TGM1: variants seen among roughly 807,000 people sequenced by gnomAD.
The protein encoded by TGM1 is transglutaminase 1.
TGM1 carries 63 observed loss-of-function variants against 88.7 expected under a neutral mutation model. The observed-to-expected ratio is 0.71, with a 90% CI of 0.58 to 0.88. The LOEUF (loss-of-function observed/expected upper bound fraction) is 0.88. Among genes scored for constraint, TGM1 ranks in the 40% least tolerant of loss-of-function variants. The pLI, the probability that TGM1 is intolerant of heterozygous loss-of-function variation, is 0.00. For synonymous variants in TGM1, 415 were observed against 431.1 expected, an observed-to-expected ratio of 0.96 and a Z score of 0.46; for missense variants, 996 against 1,118.0, an observed-to-expected ratio of 0.89 and a Z score of 1.56.
intron 9 of TGM1, 121 bp from the exon 10 acceptor site, chr14:24,256,198 G>A: frequency 1.2e-6 from 1 of 816,506 alleles, no homozygotes. Flanking sequence ...CCACTGCCTG[G>A]TGGCCTCTGG....
In TGM1 at chr14:24,254,789, A is replaced by C. The variant is rs1423312118; in HGVS notation, c.1963T>G (p.Tyr655Asp). ...RVTMPVAYKE[Y>D]RPHLVDQGAM... ...CCCTGGTCCACAAGATGGGGCCGGT[A>C]TTCCTTGTAGGCCACTGGCATGGTC... is the stretch of plus-strand genomic sequence containing the variant. Residue 655 changes from tyrosine to aspartate, a missense_variant, in exon 13 of 15, where the codon TAC becomes GAC. Physicochemically the swap from Tyr to Asp is radical, Grantham distance 160. Transcript: ENST00000206765. The C allele has an allele frequency of 2.5e-6, 4 of 1,613,966 alleles. No individual in the cohort carries two copies. In the South Asian group the frequency reaches 4.4e-5, roughly 18 times the overall value.
intron 14 of TGM1, among the ~76,000 whole-genome samples, chr14:24,252,134 A>G (rs1454070842): frequency 1.3e-5 from 2 of 152,172 alleles, no homozygotes; most frequent in Non-Finnish European, 2.9e-5. Context: ...ATGAGAGGCA[A>G]AGTACACCCA....
chr14:24,256,155 C>G, intron 9 of TGM1, 78 bp from the exon 10 acceptor site: 1 of 1,261,812 alleles, frequency 7.9e-7, no homozygotes, highest in South Asian at 1.3e-5. Context: ...AAGGTCCACA[C>G]AGGGCCCCAG....
chr14:24,259,979 G>T lies in TGM1; in HGVS notation c.837C>A (p.Thr279=), dbSNP rs370435399. Residue 279 remains threonine (T), a synonymous_variant, in exon 5 of 15, where the codon ACC becomes ACA. Transcript: ENST00000206765. This position sits in a 1 kb window ranked among gnomAD's most constrained non-coding sequence, Gnocchi z 5.7. ...AGGTCCGCTCACCAATCTGTGCTTCGGTCCCGTAGTAAATTCTCCCAGACT... is the reference window on the plus strand; with the variant it reads ...AGGTCCGCTCACCAATCTGTGCTTCTGTCCCGTAGTAAATTCTCCCAGACT... ...LNESGRIYYG[T]EAQIGERTWN... is the part of the protein sequence containing the mutation. 1 of 1,614,128 alleles carries T rather than the reference G, an allele frequency of 6.2e-7. No individual in the cohort carries two copies. The highest frequency in any genetic ancestry group is 1.7e-5 in the Admixed American group (1 of 60,028).
rs2040745585 is a variant in TGM1, at chr14:24,255,769, C to T, written c.1491+220G>A. On this transcript the variant is annotated intron_variant, in intron 10 of 14. Transcript: ENST00000206765. The surrounding 1 kb of genome is among the most constrained non-coding windows in gnomAD (Gnocchi z 4.0). ...ATCAGTAATCCCTCACACTCAATGG[C>T]TGACTTTACGACTAGTGAAGCAGTT... Among the ~76,000 whole-genome samples the T allele has an allele frequency of 6.6e-6, 1 of 152,212 alleles. No homozygotes were observed. Among genetic ancestry groups the T allele is most frequent in the African/African-American group, 2.4e-5 (1 of 41,440 alleles).
At chr14:24,250,910 T>G (rs1170478788) in intron 14 of TGM1, among the ~76,000 whole-genome samples, 3 of 152,222 alleles carry the variant, frequency 2.0e-5, no homozygotes, top group Admixed American at 2.0e-4. Context: ...ACCTGTGCAT[T>G]AACTATTGTC....
chr14:24,252,189 C>T (rs1445244580), intron 14 of TGM1, among the ~76,000 whole-genome samples: 1 of 152,178 alleles, frequency 6.6e-6, no homozygotes, highest in Non-Finnish European at 1.5e-5. Flanking sequence ...GAGATGTCCC[C>T]CTGGAGGCTC....
At position 24,260,623 on chromosome 14, in the gene TGM1, G is replaced by A; in HGVS notation, c.584C>T (p.Ala195Val). The A allele has an allele frequency of 6.2e-7, 1 of 1,614,204 alleles. No individual in the cohort carries two copies. Among genetic ancestry groups the A allele is most frequent in the Non-Finnish European group, 8.5e-7 (1 of 1,180,034 alleles). The change falls in exon 4 of 15, where the codon GCC (alanine) becomes GTC (valine). Residue 195 changes from alanine to valine, a missense_variant. Transcript: ENST00000206765. Reference protein sequence around the residue: ...VGKGGSGGWKAQVVKASGQNL... With the variant: ...VGKGGSGGWKVQVVKASGQNL... Reference sequence around the variant, plus strand: ...CTGCCCACTGGCCTTGACCACCTGGGCTTTCCAGCCTCCACTGCCCCCCTT... The same window carrying A: ...CTGCCCACTGGCCTTGACCACCTGGACTTTCCAGCCTCCACTGCCCCCCTT...
At chr14:24,256,297 C>T (rs1475955718) in intron 9 of TGM1, among the ~76,000 whole-genome samples, 1 of 152,228 alleles carries the variant, frequency 6.6e-6, no homozygotes, top group East Asian at 1.9e-4. Flanking sequence ...AGAGCGGCTC[C>T]ATTTGGCTCT....
rs2139019514 is a variant in TGM1 at position 24,255,128 on chromosome 14, C to T, written c.1771G>A (p.Gly591Arg). 1 of 1,614,122 alleles carries T rather than the reference C, an allele frequency of 6.2e-7. No homozygotes were observed. The highest frequency in any genetic ancestry group is 1.1e-5 in the South Asian group (1 of 91,092). ...ATCACAGAGACCATCAGATCCTGCCCCATCACCGCGTCCTGTGCCTCCACC... is the reference window on the plus strand; with the variant it reads ...ATCACAGAGACCATCAGATCCTGCCTCATCACCGCGTCCTGTGCCTCCACC... ...MQVEAQDAVM[G>R]QDLMVSVMLI... is the part of the protein sequence containing the mutation. Residue 591 changes from glycine to arginine, a missense_variant, in exon 12 of 15, where the codon GGG (glycine) becomes AGG (arginine). Transcript: ENST00000206765. The surrounding 1 kb of genome is among the most constrained non-coding windows in gnomAD (Gnocchi z 4.0).
chr14:24,261,611 G>C (rs2040808876), intron 3 of TGM1, 84 bp downstream of exon 3: 14 of 1,528,430 alleles, frequency 9.2e-6, no homozygotes, highest in Non-Finnish European at 1.3e-5. Flanking sequence ...GCAGGGAGGA[G>C]CCTAAAGACC....
At chr14:24,251,912 G>A (rs2040704226) in intron 14 of TGM1, among the ~76,000 whole-genome samples, 1 of 152,136 alleles carries the variant, frequency 6.6e-6, no homozygotes, top group African/African-American at 2.4e-5. Flanking sequence ...ACCACTCTGA[G>A]GACATTCTAG....
intron 1 of TGM1, among the ~76,000 whole-genome samples, 176 bp downstream of exon 1, chr14:24,262,913 T>C (rs2040826924): frequency 6.6e-6 from 1 of 152,244 alleles, no homozygotes; most frequent in African/African-American, 2.4e-5. Flanking sequence ...GGGTAGGGCA[T>C]GGCAGGTGCC....
rs7147300 is a variant in TGM1, at chr14:24,255,481, C to T, written c.1528G>A (p.Asp510Asn). ...ACATAAACAATCTTGAAGCTGCCAT[C>T]ATCCTGCCGCTGCCAGTACACCTTG... Reference protein sequence around the residue: ...SDKVYWQRQDDGSFKIVYVEE... With the variant: ...SDKVYWQRQDNGSFKIVYVEE... Residue 510 changes from aspartate (D) to asparagine (N), a missense_variant, in exon 11 of 15, where the codon GAT (aspartate) becomes AAT (asparagine). Coordinates refer to ENST00000206765, the MANE Select transcript of TGM1 (RefSeq NM_000359.3). This position sits in a 1 kb window ranked among gnomAD's most constrained non-coding sequence, Gnocchi z 4.0. 58 of 1,614,004 alleles carry T rather than the reference C, an allele frequency of 3.6e-5. No individual in the cohort carries two copies. The African/African-American group carries it at 6.7e-4, about 19-fold the overall frequency.
Position 24,255,483 on chromosome 14 carries a change from T to C in TGM1, c.1526A>G (p.Asp509Gly). The C allele has an allele frequency of 1.2e-6, 2 of 1,613,958 alleles. No homozygotes were observed. The highest frequency in any genetic ancestry group is 1.7e-6 in the Non-Finnish European group (2 of 1,180,034). Residue 509 changes from aspartate (D) to glycine (G), a missense_variant, in exon 11 of 15, where the codon GAT becomes GGT. Coordinates refer to ENST00000206765, the MANE Select transcript of TGM1 (RefSeq NM_000359.3). The surrounding 1 kb of genome is among the most constrained non-coding windows in gnomAD (Gnocchi z 4.0). Reference sequence around the variant, plus strand: ...ATAAACAATCTTGAAGCTGCCATCATCCTGCCGCTGCCAGTACACCTTGTC... The same window carrying C: ...ATAAACAATCTTGAAGCTGCCATCACCCTGCCGCTGCCAGTACACCTTGTC... ...NSDKVYWQRQ[D>G]DGSFKIVYVE...
chr14:24,260,756 C>T, intron 3 of TGM1, 58 bp from the exon 4 acceptor site: 1 of 1,612,008 alleles, frequency 6.2e-7, no homozygotes, highest in Admixed American at 1.7e-5. Flanking sequence ...GGGGATGGAG[C>T]CTGGGACTTC....
In TGM1 at chr14:24,259,704, C is replaced by T. The variant is rs1566379270; in HGVS notation, c.984G>A (p.Met328Ile). 1 of 1,609,676 alleles carries T rather than the reference C, an allele frequency of 6.2e-7. No individual in the cohort carries two copies. The highest frequency in any genetic ancestry group is 8.5e-7 in the Non-Finnish European group (1 of 1,178,166). ...PVNVSRVISA[M>I]VNSLDDNGVL... ...GACTCAGAGATGTGAGGGTGCTCACCATGGCAGAGATGACCCGGGAGACAT... is the reference window on the plus strand; with the variant it reads ...GACTCAGAGATGTGAGGGTGCTCACTATGGCAGAGATGACCCGGGAGACAT... Residue 328 changes from methionine to isoleucine, a missense_variant and splice_region_variant, in exon 6 of 15, where the codon ATG (methionine) becomes ATA (isoleucine). Met to Ile is a conservative substitution (Grantham distance 10, BLOSUM62 1). Coordinates refer to ENST00000206765, the MANE Select transcript of TGM1 (RefSeq NM_000359.3). The surrounding 1 kb of genome is among the most constrained non-coding windows in gnomAD (Gnocchi z 5.7).
chr14:24,259,800 C>G lies in TGM1; in HGVS notation c.888G>C (p.Gly296=). 1 of 1,613,166 alleles carries G rather than the reference C, an allele frequency of 6.2e-7. No individual in the cohort carries two copies. Among genetic ancestry groups the G allele is most frequent in the Non-Finnish European group, 8.5e-7 (1 of 1,179,920 alleles). Residue 296 remains glycine, a synonymous_variant, in exon 6 of 15, where the codon GGG becomes GGC. Transcript: ENST00000206765. The surrounding 1 kb of genome is among the most constrained non-coding windows in gnomAD (Gnocchi z 5.7). ...RTWNYGQFDH[G]VLDACLYILD... is the part of the protein sequence containing the mutation. The stretch of plus-strand genomic sequence containing the variant: ...GGATGTATAAGCAGGCATCCAGCAC[C>G]CCGTGGTCAAACTGGAAGGAGGGAT...
In TGM1 at chr14:24,259,348, C is replaced by A; in HGVS notation, c.985-99G>T. On this transcript the variant is annotated intron_variant, in intron 6 of 14. Transcript: ENST00000206765. The surrounding 1 kb of genome is among the most constrained non-coding windows in gnomAD (Gnocchi z 5.7). Reference sequence around the variant, plus strand: ...AGCCGGGCCCCGATCCTGCAACCACCCCTTACCCCTAAATGCCTCAGGATC... The same window carrying A: ...AGCCGGGCCCCGATCCTGCAACCACACCTTACCCCTAAATGCCTCAGGATC... 1 of 1,179,672 alleles carries A rather than the reference C, an allele frequency of 8.5e-7. No homozygotes were observed. The highest frequency in any genetic ancestry group is 1.2e-6 in the Non-Finnish European group (1 of 814,864). 73.1% of individuals were successfully genotyped at this position (1,179,672 alleles called of 1,614,324 possible).
Sources: gnomAD v4.1 joint callset for allele counts (sites outside exome capture counted in the v4.1 genomes callset) on GRCh38, gnomAD v4.1.1 for gene constraint, Gnocchi (gnomAD v3.1) non-coding constraint, MANE v1.5 for transcripts, NCBI Gene and HGNC (gene_info 2026-07-23, HGNC 2026-07-21) for gene names.